Variants in ERGIC1 observed in about 807,000 individuals in gnomAD.
ERGIC1 encodes the protein endoplasmic reticulum-golgi intermediate compartment 1.
In ERGIC1, 19 loss-of-function variants were observed where a neutral mutation model predicts 38.3. That is an observed-to-expected ratio of 0.50 (90% CI 0.35 to 0.73). ERGIC1 has a LOEUF of 0.73. Ranked by LOEUF, ERGIC1 falls within the 30% of genes least tolerant of loss-of-function variation. The pLI is 0.01. For synonymous variants in ERGIC1, 124 were observed against 157.6 expected, an observed-to-expected ratio of 0.79 and a Z score of 1.60; for missense variants, 294 against 389.2, an observed-to-expected ratio of 0.76 and a Z score of 2.06.
intron 1 of ERGIC1, among the ~76,000 whole-genome samples, chr5:172,844,734 C>A (rs1439959791): frequency 6.6e-6 from 1 of 152,186 alleles, no homozygotes; most frequent in East Asian, 1.9e-4. Context: ...GGGCTCCCCT[C>A]CTCTGATGGT....
intron 7 of ERGIC1, among the ~76,000 whole-genome samples, chr5:172,927,362 A>G (rs541248147): frequency 2.0e-5 from 3 of 152,110 alleles, no homozygotes; most frequent in Non-Finnish European, 4.4e-5. Context: ...GGCAAAGAAA[A>G]CATCCCTCTG....
chr5:172,886,153 C>T (rs1194851844), intron 1 of ERGIC1, among the ~76,000 whole-genome samples: 1 of 152,058 alleles, frequency 6.6e-6, no homozygotes, highest in Non-Finnish European at 1.5e-5. Context: ...TGTGAGACTC[C>T]CTAGCCACAG....
chr5:172,887,990 C>T (rs1475222350), intron 1 of ERGIC1, among the ~76,000 whole-genome samples: 1 of 152,206 alleles, frequency 6.6e-6, no homozygotes, highest in Non-Finnish European at 1.5e-5. Context: ...CAGGGCTGTG[C>T]GTTTCCTTGC....
intron 1 of ERGIC1, among the ~76,000 whole-genome samples, chr5:172,871,852 C>A (rs1045139357): frequency 4.6e-5 from 7 of 152,220 alleles, no homozygotes; most frequent in Admixed American, 4.6e-4. Flanking sequence ...CATTTATAAC[C>A]TGCTTATTAT....
At chr5:172,939,628 G>A (rs551796897) in intron 9 of ERGIC1, among the ~76,000 whole-genome samples, 244 of 152,368 alleles carry the variant, frequency 1.6e-3, no homozygotes, top group Admixed American at 4.5e-3. Flanking sequence ...CTGCTCAAGC[G>A]TGGGCTGGCA....
intron 3 of ERGIC1, among the ~76,000 whole-genome samples, chr5:172,907,153 C>T (rs1235400331): frequency 1.3e-5 from 2 of 152,264 alleles, no homozygotes; most frequent in Non-Finnish European, 2.9e-5. Flanking sequence ...GCCGCCATCC[C>T]CTGCCTGGTC....
intron 1 of ERGIC1, among the ~76,000 whole-genome samples, chr5:172,879,018 C>G (rs950374253): frequency 6.6e-6 from 1 of 152,184 alleles, no homozygotes; most frequent in Non-Finnish European, 1.5e-5. Context: ...CCCACCACTT[C>G]CAATGACTTG....
chr5:172,930,055 G>T (rs777359782), intron 7 of ERGIC1, among the ~76,000 whole-genome samples: 3 of 152,032 alleles, frequency 2.0e-5, no homozygotes, highest in Non-Finnish European at 4.4e-5. Context: ...AGGCGTGGTG[G>T]CAGGCGCCTG....
At chr5:172,863,194 G>GCCCA (rs1761763406) in intron 1 of ERGIC1, among the ~76,000 whole-genome samples, 1 of 152,128 alleles carries the variant, frequency 6.6e-6, no homozygotes, top group Non-Finnish European at 1.5e-5. Flanking sequence ...CAAGTGATCC[G>GCCCA]CCCACCTCGG....
At chr5:172,870,215 T>C (rs932553147) in intron 1 of ERGIC1, among the ~76,000 whole-genome samples, 1 of 152,256 alleles carries the variant, frequency 6.6e-6, no homozygotes, top group African/African-American at 2.4e-5. Context: ...ATTTTATTTT[T>C]GAAACACTTG....
Position 172,834,370 on chromosome 5 carries a change from C to CG in ERGIC1, c.-42dup. The CG allele has an allele frequency of 7.9e-7, 1 of 1,271,156 alleles. No homozygotes were observed. The highest frequency in any genetic ancestry group is 9.9e-7 in the Non-Finnish European group (1 of 1,008,772). The allele number at this position is 1,271,156 out of a possible 1,614,324, so 78.7% of individuals were successfully genotyped here. On this transcript the variant is annotated 5_prime_UTR_variant, in exon 1 of 10. Coordinates refer to ENST00000393784, the MANE Select transcript of ERGIC1 (RefSeq NM_001031711.3). This position sits in a 1 kb window ranked among gnomAD's most constrained non-coding sequence, Gnocchi z 4.1. Reference sequence around the variant, plus strand: ...GCGGGCTCGGACCCACGCGGCGCCGCGGCCCGCCTGGCCTGCAGCGCTCCC... The same window carrying CG: ...GCGGGCTCGGACCCACGCGGCGCCGCGGGCCCGCCTGGCCTGCAGCGCTCCC...
At chr5:172,912,745 C>T (rs1356452782) in intron 4 of ERGIC1, among the ~76,000 whole-genome samples, 1 of 151,154 alleles carries the variant, frequency 6.6e-6, no homozygotes, top group African/African-American at 2.4e-5. Flanking sequence ...GTAGTAAGTG[C>T]TATTTTACTT....
chr5:172,887,944 G>T lies in ERGIC1; in HGVS notation c.21-755G>T, dbSNP rs149325469. Among the ~76,000 whole-genome samples the T allele has an allele frequency of 7.1e-3, 1,077 of 152,332 alleles. 7 individuals carry two copies. Among genetic ancestry groups the T allele is most frequent in the Non-Finnish European group, 0.012 (836 of 68,040 alleles). ...AGGGAAGAGGGGGAGGAGAGGTGACGTGGAGCAAGAATGCAGCATCGTCAC... is the reference window on the plus strand; with the variant it reads ...AGGGAAGAGGGGGAGGAGAGGTGACTTGGAGCAAGAATGCAGCATCGTCAC... On this transcript the variant is annotated intron_variant, in intron 1 of 9. Transcript: ENST00000393784.
At chr5:172,946,816 A>G (rs1235248517) in intron 9 of ERGIC1, among the ~76,000 whole-genome samples, 4 of 151,866 alleles carry the variant, frequency 2.6e-5, no homozygotes, top group African/African-American at 9.7e-5. Context: ...GAAGGATGAG[A>G]GATAAAATAA....
At chr5:172,943,337 T>G in intron 9 of ERGIC1, among the ~76,000 whole-genome samples, 1 of 151,128 alleles carries the variant, frequency 6.6e-6, no homozygotes. Flanking sequence ...CCACACGCTC[T>G]CCTCCCCCAC....
intron 1 of ERGIC1, among the ~76,000 whole-genome samples, chr5:172,862,782 A>G (rs111821684): frequency 6.6e-6 from 1 of 152,204 alleles, no homozygotes; most frequent in African/African-American, 2.4e-5. Context: ...TTTTATTTAA[A>G]TGGACTCACT....
chr5:172,845,984 G>C (rs1761274363), intron 1 of ERGIC1, among the ~76,000 whole-genome samples: 1 of 152,054 alleles, frequency 6.6e-6, no homozygotes, highest in African/African-American at 2.4e-5. Flanking sequence ...AGGAAGACAG[G>C]CCAGGCATCC....
chr5:172,949,132 A>G (rs1342784853), intron 9 of ERGIC1, among the ~76,000 whole-genome samples: 2 of 152,252 alleles, frequency 1.3e-5, no homozygotes, highest in Non-Finnish European at 2.9e-5. Flanking sequence ...TGAAGTCATC[A>G]GAAGGCAATT....
chr5:172,945,223 G>T (rs1764095816), intron 9 of ERGIC1, among the ~76,000 whole-genome samples: 1 of 152,194 alleles, frequency 6.6e-6, no homozygotes, highest in Admixed American at 6.5e-5. Flanking sequence ...TGCCCCACAA[G>T]GATGTTCTTC....
Sources: allele counts gnomAD v4.1 joint callset (sites outside exome capture counted in the v4.1 genomes callset), GRCh38; gene constraint gnomAD v4.1.1; non-coding constraint Gnocchi (gnomAD v3.1); transcripts MANE v1.5; gene names NCBI Gene and HGNC (gene_info 2026-07-23, HGNC 2026-07-21).